The following DGKK variants were observed in gnomAD, a reference collection of about 807,000 sequenced individuals.
DGKK encodes diacylglycerol kinase kappa.
Under a neutral mutation model 92.2 loss-of-function variants are expected in DGKK, and 35 were observed. That is an observed-to-expected ratio of 0.38 (90% CI 0.29 to 0.50). DGKK has a LOEUF of 0.50. DGKK is among the 20% of genes least tolerant of loss of function. The pLI is 0.92. For missense variants in DGKK, 910 were observed against 992.2 expected (o/e 0.92, Z 1.11); for synonymous variants, 368 against 360.6 (o/e 1.02, Z -0.23).
intron 4 of DGKK, among the ~76,000 whole-genome samples, chrX:50,417,133 A>T (rs374842919): frequency 9.5e-6 from 1 of 105,487 alleles, no homozygotes; most frequent in East Asian, 3.0e-4. Context: ...AAAAAAATCA[A>T]TTTTCTGTAC....
At chrX:50,422,932 C>A (rs1925636932) in intron 2 of DGKK, among the ~76,000 whole-genome samples, 1 of 111,804 alleles carries the variant, frequency 8.9e-6, no homozygotes, top group African/African-American at 3.2e-5. Flanking sequence ...TGCAGTGTTG[C>A]TAGTCCCATC....
At chrX:50,390,223 C>A in intron 12 of DGKK, 105 bp downstream of exon 12, 1 of 710,632 alleles carries the variant, frequency 1.4e-6, no homozygotes. Context: ...TCTCAATGAT[C>A]TCATCCTCAT....
At chrX:50,391,597 A>G in intron 10 of DGKK, 21 bp from the exon 11 acceptor site, 1 of 1,208,162 alleles carries the variant, frequency 8.3e-7, no homozygotes, top group Non-Finnish European at 1.1e-6. Context: ...AAAAGGAGAC[A>G]CCCTTTTCAG....
chrX:50,386,479 C>A lies in DGKK; in HGVS notation c.2226G>T (p.Lys742Asn). The change falls in exon 15 of 28, where the codon AAG (lysine) becomes AAT (asparagine). Residue 742 changes from lysine (K) to asparagine (N), a missense_variant. By Grantham distance (94) the Lys-to-Asn change is moderately conservative. Transcript: ENST00000611977. The stretch of plus-strand genomic sequence containing the variant: ...GAGGAATGAAGGGCTTCCTATCTGC[C>A]TTGCTGCTGTCTGCATATTCTGTAG... ...KSATEYADSS[K>N]ADRKPFIPQI... 8.3e-7 allele frequency: 1 copy of A among 1,211,209 alleles called. No homozygotes were observed. The highest frequency in any genetic ancestry group is 1.1e-6 in the Non-Finnish European group (1 of 895,116).
At chrX:50,462,744 C>G (rs938353464) in intron 1 of DGKK, among the ~76,000 whole-genome samples, 30 of 108,149 alleles carry the variant, frequency 2.8e-4, no homozygotes, top group Non-Finnish European at 5.0e-4. Flanking sequence ...CCTACAAGGG[C>G]AACTTGTTTT....
intron 7 of DGKK, among the ~76,000 whole-genome samples, chrX:50,402,404 T>C (rs953891211): frequency 9.0e-6 from 1 of 111,448 alleles, no homozygotes; most frequent in Non-Finnish European, 1.9e-5. Flanking sequence ...GGCGGCATAG[T>C]GAGACCCTGT....
intron 1 of DGKK, among the ~76,000 whole-genome samples, chrX:50,446,911 A>C (rs1926322141): frequency 9.0e-6 from 1 of 110,641 alleles, no homozygotes; most frequent in African/African-American, 3.3e-5. Flanking sequence ...ACGTGCATGC[A>C]TGTGTGCATG....
At chrX:50,390,520 G>A (rs782011085) in intron 11 of DGKK, 111 bp from the exon 12 acceptor site, 197 of 622,652 alleles carry the variant, frequency 3.2e-4, no homozygotes, top group Non-Finnish European at 4.9e-4. Context: ...GGGGGGAGGT[G>A]GGTTGTAGGG....
intron 19 of DGKK, 86 bp from the exon 20 acceptor site, chrX:50,379,820 C>T (rs1027815485): frequency 1.1e-6 from 1 of 928,321 alleles, no homozygotes; most frequent in Admixed American, 2.3e-5. Flanking sequence ...AGGGCTCTGT[C>T]TTCTCTTCCA....
Position 50,379,666 on chromosome X carries a change from A to G in DGKK, c.2823T>C (p.Ala941=). ...TGCTTCCCCAGAAGTTGATACCTCC[A>G]GCATAGCTGGTAATGTTGAGCACTA... ...GIVVLNITSY[A]GGINFWGSNT... is the part of the protein sequence containing the mutation. The change falls in exon 20 of 28, where the codon GCT becomes GCC. Residue 941 remains alanine, a synonymous_variant. Coordinates refer to ENST00000611977, the MANE Select transcript of DGKK (RefSeq NM_001013742.4). The G allele has an allele frequency of 8.3e-7, 1 of 1,211,535 alleles. No homozygotes were observed. The highest frequency in any genetic ancestry group is 1.8e-5 in the South Asian group (1 of 56,978).
Position 50,470,019 on chromosome X carries a change from G to A in DGKK, c.645+15C>T. On this transcript the variant is annotated intron_variant, in intron 1 of 27. Transcript: ENST00000611977. ...CCTTGCTTCTTTTCCCCGCTTCAGG[G>A]GGTCTTTTGCTTACCTTTATTCTGG... is the stretch of plus-strand genomic sequence containing the variant. 8.5e-7 allele frequency: 1 copy of A among 1,177,062 alleles called. No individual in the cohort carries two copies. The highest frequency in any genetic ancestry group is 1.1e-6 in the Non-Finnish European group (1 of 876,400).
chrX:50,427,282 C>T (rs1170131065), intron 1 of DGKK, among the ~76,000 whole-genome samples: 2 of 110,802 alleles, frequency 1.8e-5, no homozygotes, highest in African/African-American at 6.6e-5. Context: ...AATACAACTA[C>T]ATGATATTCT....
intron 1 of DGKK, among the ~76,000 whole-genome samples, chrX:50,456,044 T>C (rs1926602779): frequency 8.9e-6 from 1 of 111,890 alleles, no homozygotes; most frequent in African/African-American, 3.2e-5. Flanking sequence ...CTTTATGTGG[T>C]CATCTTGCCC....
At chrX:50,379,788 G>A in intron 19 of DGKK, 54 bp from the exon 20 acceptor site, 1 of 1,049,851 alleles carries the variant, frequency 9.5e-7, no homozygotes, top group Admixed American at 2.2e-5. Context: ...CAACATGAAG[G>A]AACATTTACA....
chrX:50,384,952 T>C, intron 15 of DGKK, 128 bp from the exon 16 acceptor site: 3 of 498,808 alleles, frequency 6.0e-6, no homozygotes. Context: ...CGAGCATCTA[T>C]TTTGTTTAGT....
At chrX:50,422,895 A>G (rs927638346) in intron 2 of DGKK, among the ~76,000 whole-genome samples, 4 of 111,738 alleles carry the variant, frequency 3.6e-5, no homozygotes, top group Non-Finnish European at 7.5e-5. Flanking sequence ...ATTGTGATAA[A>G]CTCCTATTTT....
chrX:50,384,856 A>T (rs990384586), intron 15 of DGKK, 32 bp from the exon 16 acceptor site: 8 of 1,080,924 alleles, frequency 7.4e-6, no homozygotes, highest in Admixed American at 2.3e-5. Context: ...AGGAAAGCAA[A>T]AAAGAAAGGA....
intron 27 of DGKK, 41 bp from the exon 28 acceptor site, chrX:50,369,060 C>T (rs369793769): frequency 9.3e-7 from 1 of 1,073,002 alleles, no homozygotes; most frequent in African/African-American, 1.8e-5. Context: ...ATGAGGTTAG[C>T]ACAATGCCAG....
At chrX:50,426,941 G>A (rs188638157) in intron 1 of DGKK, among the ~76,000 whole-genome samples, 1 of 111,323 alleles carries the variant, frequency 9.0e-6, no homozygotes, top group East Asian at 2.8e-4. Flanking sequence ...ACAGTTTGGC[G>A]GTTTCTTACA....
Sources: gnomAD v4.1 joint callset for allele counts (sites outside exome capture counted in the v4.1 genomes callset) on GRCh38, gnomAD v4.1.1 for gene constraint, MANE v1.5 for transcripts, NCBI Gene and HGNC (gene_info 2026-07-23, HGNC 2026-07-21) for gene names.